The following POU6F2 variants were observed in gnomAD, a reference collection of about 807,000 sequenced individuals.
The protein encoded by POU6F2 is POU class 6 homeobox 2.
Under a neutral mutation model 71.3 loss-of-function variants are expected in POU6F2, and 31 were observed. The ratio of observed to expected loss-of-function variants is 0.43; its 90% CI spans 0.33 to 0.59. POU6F2 has a LOEUF of 0.59. Ranked by LOEUF, POU6F2 falls within the 20% of genes least tolerant of loss-of-function variation. The pLI, the probability that POU6F2 is intolerant of heterozygous loss-of-function variation, is 0.04. For synonymous variants in POU6F2, 347 were observed against 355.7 expected (o/e 0.98, Z 0.27); for missense variants, 783 against 856.8 (o/e 0.91, Z 1.07).
chr7:39,186,192 A>G (rs1171751324), intron 2 of POU6F2, among the ~76,000 whole-genome samples: 3 of 152,182 alleles, frequency 2.0e-5, no homozygotes, highest in Non-Finnish European at 4.4e-5. Flanking sequence ...CTATGACTAG[A>G]GCTCATAGTC....
intron 1 of POU6F2, among the ~76,000 whole-genome samples, chr7:38,982,727 A>G (rs912329919): frequency 1.3e-5 from 2 of 152,088 alleles, no homozygotes; most frequent in African/African-American, 4.8e-5. Context: ...TTTCTTTTCT[A>G]TCTCTAAGGT....
intron 2 of POU6F2, among the ~76,000 whole-genome samples, chr7:39,104,142 G>A (rs1022634357): frequency 6.6e-6 from 1 of 152,222 alleles, no homozygotes; most frequent in African/African-American, 2.4e-5. Flanking sequence ...CCAGCTCTAT[G>A]CTCCTCTGCT....
At chr7:39,133,362 G>A (rs1465641730) in intron 2 of POU6F2, among the ~76,000 whole-genome samples, 2 of 152,224 alleles carry the variant, frequency 1.3e-5, no homozygotes, top group Non-Finnish European at 2.9e-5. Flanking sequence ...AACATCAATA[G>A]CTGTGATTTC....
At chr7:39,049,954 C>T (rs1790371835) in intron 1 of POU6F2, among the ~76,000 whole-genome samples, 1 of 151,902 alleles carries the variant, frequency 6.6e-6, no homozygotes, top group South Asian at 2.1e-4. Context: ...ATATGAGTAA[C>T]ACTTTCCTGT....
chr7:38,986,692 A>G (rs1788472558), intron 1 of POU6F2, among the ~76,000 whole-genome samples: 1 of 152,162 alleles, frequency 6.6e-6, no homozygotes, highest in Non-Finnish European at 1.5e-5. Flanking sequence ...TAATTTCTGC[A>G]TATGGCAAAC....
chr7:39,205,581 T>G (rs754672248), intron 3 of POU6F2, among the ~76,000 whole-genome samples: 20 of 152,322 alleles, frequency 1.3e-4, no homozygotes, highest in Non-Finnish European at 2.5e-4. Context: ...ATATCACTAT[T>G]GGCAGTGATG....
At chr7:39,180,593 G>A (rs539194497) in intron 2 of POU6F2, among the ~76,000 whole-genome samples, 3 of 152,198 alleles carry the variant, frequency 2.0e-5, no homozygotes, top group East Asian at 3.9e-4. Context: ...TCGTGTCTCC[G>A]CTATTCCCAG....
Position 39,150,225 on chromosome 7 carries a change from C to CTGTGTGTGTGTGTGTG in POU6F2, c.278-53990_278-53975dup, listed in dbSNP as rs60761447. Among the ~76,000 whole-genome samples the CTGTGTGTGTGTGTGTG allele has an allele frequency of 4.4e-3, 621 of 141,232 alleles. 5 individuals are homozygous for CTGTGTGTGTGTGTGTG. The highest frequency in any genetic ancestry group is 0.01 in the African/African-American group (373 of 37,092). 92.7% of individuals were successfully genotyped at this position (141,232 alleles called of 152,430 possible). ...CCTTTTTTAAGGCTGAGTAATATGT[C>CTGTGTGTGTGTGTGTG]TGTGTGTGTGTGTGTGTGTGTGTGT... On this transcript the variant is annotated intron_variant, in intron 2 of 9. Coordinates refer to ENST00000518318, the MANE Select transcript of POU6F2 (RefSeq NM_001370959.1).
intron 2 of POU6F2, among the ~76,000 whole-genome samples, chr7:39,148,008 G>C (rs1792656633): frequency 6.6e-6 from 1 of 152,150 alleles, no homozygotes; most frequent in Non-Finnish European, 1.5e-5. Context: ...TCCACCCCTA[G>C]GCACTGCCCA....
intron 2 of POU6F2, among the ~76,000 whole-genome samples, chr7:39,102,981 T>C (rs532221292): frequency 6.6e-6 from 1 of 152,328 alleles, no homozygotes; most frequent in South Asian, 2.1e-4. Flanking sequence ...GTGCAGTCTG[T>C]TGTTGACCAA....
intron 2 of POU6F2, among the ~76,000 whole-genome samples, chr7:39,100,884 A>G (rs537013027): frequency 3.0e-4 from 45 of 152,210 alleles, no homozygotes; most frequent in African/African-American, 9.9e-4. Flanking sequence ...TGTTGGGAAA[A>G]CAAATACAAG....
At chr7:39,207,139 G>GT (rs1423605209) in intron 3 of POU6F2, among the ~76,000 whole-genome samples, 4 of 152,144 alleles carry the variant, frequency 2.6e-5, no homozygotes, top group African/African-American at 9.7e-5. Flanking sequence ...GCATATAAAC[G>GT]TAAGTTATTA....
At chr7:39,445,708 A>T (rs73129692) in intron 7 of POU6F2, among the ~76,000 whole-genome samples, 47,137 of 151,840 alleles carry the variant, frequency 0.31, 7,840 homozygotes, top group East Asian at 0.58. Flanking sequence ...TGATGTCAAC[A>T]ATAAATCTCT....
chr7:39,146,951 T>A (rs1792637084), intron 2 of POU6F2, among the ~76,000 whole-genome samples: 1 of 152,052 alleles, frequency 6.6e-6, no homozygotes, highest in South Asian at 2.1e-4. Flanking sequence ...ATATATAATA[T>A]TATCTGGAAA....
intron 2 of POU6F2, among the ~76,000 whole-genome samples, chr7:39,170,562 C>A (rs565654888): frequency 1.4e-3 from 206 of 152,168 alleles, no homozygotes; most frequent in Non-Finnish European, 2.0e-3. Context: ...TGAAGGCTTA[C>A]CTAATCCTCA....
chr7:39,059,942 G>A (rs960322105), intron 1 of POU6F2, among the ~76,000 whole-genome samples: 5 of 152,206 alleles, frequency 3.3e-5, no homozygotes, highest in Admixed American at 2.0e-4. Context: ...CAGGTGCGGT[G>A]GCTCAGACCT....
chr7:39,268,040 T>C (rs898960765), intron 4 of POU6F2, among the ~76,000 whole-genome samples: 1 of 152,302 alleles, frequency 6.6e-6, no homozygotes, highest in Admixed American at 6.5e-5. Flanking sequence ...GACAAGCTTC[T>C]CCTTAAAATA....
At chr7:39,278,803 C>T (rs1370699409) in intron 4 of POU6F2, among the ~76,000 whole-genome samples, 1 of 152,184 alleles carries the variant, frequency 6.6e-6, no homozygotes, top group African/African-American at 2.4e-5. Flanking sequence ...TGTAGCTCAG[C>T]TGAGAAGCAT....
intron 2 of POU6F2, among the ~76,000 whole-genome samples, chr7:39,149,832 C>T (rs1471302958): frequency 6.6e-6 from 1 of 151,656 alleles, no homozygotes; most frequent in East Asian, 1.9e-4. Flanking sequence ...GCTTATTTCG[C>T]TTAGCATAAT....
Sources: allele counts gnomAD v4.1 joint callset (sites outside exome capture counted in the v4.1 genomes callset), GRCh38; gene constraint gnomAD v4.1.1; transcripts MANE v1.5; gene names NCBI Gene and HGNC (gene_info 2026-07-23, HGNC 2026-07-21).